The following GPAM variants were observed in gnomAD, a reference collection of about 807,000 sequenced individuals.
The protein encoded by GPAM is glycerol-3-phosphate acyltransferase, mitochondrial.
In GPAM, 56 loss-of-function variants were observed where a neutral mutation model predicts 105.0. That is an observed-to-expected ratio of 0.53 (90% CI 0.43 to 0.67). The LOEUF (loss-of-function observed/expected upper bound fraction) is 0.67. GPAM is among the 30% of genes least tolerant of loss of function. The pLI is 0.00. For missense variants in GPAM, 855 were observed against 989.8 expected (o/e 0.86, Z 1.83); for synonymous variants, 368 against 354.4 (o/e 1.04, Z -0.43).
intron 12 of GPAM, 41 bp from the exon 13 acceptor site, chr10:112,164,651 C>A: frequency 1.0e-6 from 1 of 998,712 alleles, no homozygotes; most frequent in Non-Finnish European, 1.6e-6. Flanking sequence ...CCCTCACTTT[C>A]GCACCAACAT....
At chr10:112,161,263 T>C (rs1847118554) in intron 15 of GPAM, among the ~76,000 whole-genome samples, 1 of 152,206 alleles carries the variant, frequency 6.6e-6, no homozygotes, top group Non-Finnish European at 1.5e-5. Flanking sequence ...AGAATATGAC[T>C]GAACAAGACT....
chr10:112,209,797 C>A (rs1440994498), intron 1 of GPAM, among the ~76,000 whole-genome samples: 1 of 152,228 alleles, frequency 6.6e-6, no homozygotes, highest in Non-Finnish European at 1.5e-5. Flanking sequence ...AATGTCCAGC[C>A]CACAGGGAAA....
intron 16 of GPAM, chr10:112,160,266 C>G: frequency 2.2e-6 from 1 of 456,330 alleles, no homozygotes; most frequent in Non-Finnish European, 2.9e-6. Context: ...GCCCCCTCTT[C>G]TCTCCTTCCT....
chr10:112,224,318 G>A, the GPAM span, among the ~76,000 whole-genome samples: 1 of 152,102 alleles, frequency 6.6e-6, no homozygotes, highest in Non-Finnish European at 1.5e-5. Flanking sequence ...TTTGCAGCAA[G>A]AACAACTAGG....
intron 8 of GPAM, 120 bp downstream of exon 8, chr10:112,172,850 G>A (rs1418898922): frequency 6.9e-6 from 5 of 722,764 alleles, no homozygotes; most frequent in Non-Finnish European, 1.3e-5. Flanking sequence ...CATAAATGAG[G>A]GAAATCTTCC....
chr10:112,202,157 A>G (rs920469309), intron 1 of GPAM, among the ~76,000 whole-genome samples: 1 of 152,204 alleles, frequency 6.6e-6, no homozygotes, highest in Admixed American at 6.5e-5. Flanking sequence ...CAGATAGTAA[A>G]TATTTTAGGC....
the GPAM span, among the ~76,000 whole-genome samples, chr10:112,222,378 G>A: frequency 7.2e-5 from 11 of 152,072 alleles, no homozygotes; most frequent in African/African-American, 2.2e-4. Context: ...TATTTCTATC[G>A]ATTTGTTTTT....
At chr10:112,156,480 C>T (rs1246167082) in intron 19 of GPAM, 1 of 268,702 alleles carries the variant, frequency 3.7e-6, no homozygotes, top group African/African-American at 2.2e-5. Context: ...TCTGCAGCAC[C>T]TATTCCCTGC....
chr10:112,172,844 A>G (rs1847336097), intron 8 of GPAM, 126 bp downstream of exon 8: 1 of 713,054 alleles, frequency 1.4e-6, no homozygotes, highest in Admixed American at 2.0e-5. Context: ...AGTTATCATA[A>G]ATGAGGGAAA....
At chr10:112,198,590 G>A (rs1847753055) in intron 1 of GPAM, among the ~76,000 whole-genome samples, 1 of 152,156 alleles carries the variant, frequency 6.6e-6, no homozygotes. Context: ...TTGCAGTACA[G>A]CTATTATGGA....
chr10:112,215,557 G>T (rs146642418), upstream of GPAM, among the ~76,000 whole-genome samples: 1 of 152,216 alleles, frequency 6.6e-6, no homozygotes, highest in Non-Finnish European at 1.5e-5. Flanking sequence ...ATTTAATGAT[G>T]CAATGAATGG....
intron 1 of GPAM, among the ~76,000 whole-genome samples, chr10:112,191,351 C>T (rs1338337774): frequency 6.6e-6 from 1 of 152,168 alleles, no homozygotes; most frequent in African/African-American, 2.4e-5. Context: ...AGGTTCAACT[C>T]CCCAGGAAGA....
chr10:112,200,155 C>T (rs1001272506), intron 1 of GPAM, among the ~76,000 whole-genome samples: 10 of 120,076 alleles, frequency 8.3e-5, no homozygotes, highest in Non-Finnish European at 1.4e-4. Context: ...CATATTTACA[C>T]ATTGTAAAGG....
intron 20 of GPAM, chr10:112,155,353 G>T (rs992790525): frequency 5.8e-6 from 1 of 172,068 alleles, no homozygotes; most frequent in African/African-American, 2.4e-5. Context: ...CACTGTTGTG[G>T]GAGTACAAGT....
chr10:112,218,064 G>A (rs1847988308), upstream of GPAM, among the ~76,000 whole-genome samples: 1 of 152,246 alleles, frequency 6.6e-6, no homozygotes, highest in African/African-American at 2.4e-5. Context: ...CACAGAGCTA[G>A]CAAGCTGGCC....
chr10:112,193,274 C>T (rs891726126), intron 1 of GPAM, among the ~76,000 whole-genome samples: 65 of 152,260 alleles, frequency 4.3e-4, no homozygotes, highest in Admixed American at 2.6e-3. Flanking sequence ...TCATAGGCTA[C>T]AACTGGGACC....
the GPAM span, among the ~76,000 whole-genome samples, chr10:112,221,824 T>G: frequency 1.3e-5 from 2 of 152,312 alleles, no homozygotes; most frequent in Admixed American, 1.3e-4. Flanking sequence ...AATATGACTA[T>G]GGCTAAATAT....
intron 1 of GPAM, among the ~76,000 whole-genome samples, chr10:112,204,254 CTTTT>C (rs59433956): frequency 3.8e-5 from 5 of 132,496 alleles, no homozygotes; most frequent in Admixed American, 7.5e-5. Context: ...TTTCTTTGTT[CTTTT>C]TTTTTTTTTT....
chr10:112,183,848 C>T (rs77943568), upstream of GPAM: 3,541 of 152,420 alleles, frequency 0.023, 77 homozygotes, highest in Non-Finnish European at 0.031. Flanking sequence ...GCCTGCGAGC[C>T]TCAGGGAGCG....
Sources: gnomAD v4.1 joint callset for allele counts (sites outside exome capture counted in the v4.1 genomes callset) on GRCh38, gnomAD v4.1.1 for gene constraint, MANE v1.5 for transcripts, NCBI Gene and HGNC (gene_info 2026-07-23, HGNC 2026-07-21) for gene names.